Variants in UNC13C observed in about 807,000 individuals in gnomAD.
The protein encoded by UNC13C is unc-13 homolog C.
A neutral mutation model predicts 245.4 loss-of-function variants in UNC13C; 174 were observed. That is an observed-to-expected ratio of 0.71 (90% CI 0.63 to 0.80). UNC13C has a LOEUF of 0.80. UNC13C is among the 30% of genes least tolerant of loss of function. The pLI is 0.00. For missense variants in UNC13C, 2,829 were observed against 2,602.9 expected (o/e 1.09, Z -1.89); for synonymous variants, 992 against 895.1 (o/e 1.11, Z -1.93).
At chr15:53,855,105 T>C in the UNC13C span, among the ~76,000 whole-genome samples, 1 of 152,114 alleles carries the variant, frequency 6.6e-6, no homozygotes, top group Non-Finnish European at 1.5e-5. Context: ...TTGACTATTG[T>C]TGGTGTATAG....
the UNC13C span, among the ~76,000 whole-genome samples, chr15:53,920,173 T>C: frequency 6.6e-6 from 1 of 152,208 alleles, no homozygotes; most frequent in Non-Finnish European, 1.5e-5. Flanking sequence ...TCTTGTTGGA[T>C]ATTAAGGTTG....
the UNC13C span, among the ~76,000 whole-genome samples, chr15:53,970,220 C>T: frequency 6.6e-6 from 1 of 152,110 alleles, no homozygotes; most frequent in Non-Finnish European, 1.5e-5. Context: ...AAGGCATGCA[C>T]CGCCACTCCT....
At chr15:53,863,301 C>T in the UNC13C span, among the ~76,000 whole-genome samples, 14 of 152,106 alleles carry the variant, frequency 9.2e-5, no homozygotes, top group African/African-American at 3.4e-4. Flanking sequence ...AGAGTCATCC[C>T]CAAGTCTATG....
chr15:53,953,844 G>C, the UNC13C span, among the ~76,000 whole-genome samples: 1 of 152,212 alleles, frequency 6.6e-6, no homozygotes, highest in Non-Finnish European at 1.5e-5. Context: ...AACTCTCCTT[G>C]CTCTTCCATC....
chr15:54,475,614 A>G (rs1596448306), intron 19 of UNC13C, among the ~76,000 whole-genome samples: 1 of 151,246 alleles, frequency 6.6e-6, no homozygotes, highest in East Asian at 2.0e-4. Context: ...AATTTCATCC[A>G]TGTCCCTACA....
At chr15:54,397,920 C>A (rs935546420) in intron 18 of UNC13C, among the ~76,000 whole-genome samples, 1 of 151,042 alleles carries the variant, frequency 6.6e-6, no homozygotes, top group Admixed American at 6.6e-5. Context: ...TTACTTATTT[C>A]TTTCCAATTT....
chr15:54,348,478 C>T (rs1042390842), intron 17 of UNC13C, among the ~76,000 whole-genome samples: 3 of 152,078 alleles, frequency 2.0e-5, no homozygotes, highest in Non-Finnish European at 4.4e-5. Context: ...TCAATTAATG[C>T]TTACTAAATG....
intron 4 of UNC13C, among the ~76,000 whole-genome samples, chr15:54,149,591 C>T (rs1038030985): frequency 2.6e-5 from 4 of 152,164 alleles, no homozygotes; most frequent in African/African-American, 9.7e-5. Flanking sequence ...GATCTTCTAA[C>T]CAATCTTCCT....
intron 25 of UNC13C, among the ~76,000 whole-genome samples, chr15:54,529,486 C>T (rs1466933579): frequency 1.3e-5 from 2 of 152,080 alleles, no homozygotes; most frequent in Non-Finnish European, 2.9e-5. Flanking sequence ...CTCATATTTG[C>T]TCTAAGAACA....
intron 1 of UNC13C, among the ~76,000 whole-genome samples, chr15:53,994,030 T>C (rs1180091491): frequency 6.6e-6 from 1 of 152,056 alleles, no homozygotes; most frequent in Non-Finnish European, 1.5e-5. Context: ...CTTCTTAATT[T>C]CTTCCTATTA....
At chr15:54,538,583 A>G (rs1050049721) in intron 26 of UNC13C, among the ~76,000 whole-genome samples, 1 of 152,076 alleles carries the variant, frequency 6.6e-6, no homozygotes, top group Non-Finnish European at 1.5e-5. Flanking sequence ...AGCAAAGACA[A>G]GGAATCAACC....
chr15:54,629,711 T>C (rs1901407893), downstream of UNC13C: 1 of 151,722 alleles, frequency 6.6e-6, no homozygotes, highest in African/African-American at 2.4e-5. Flanking sequence ...TAGGAGCACA[T>C]ATTAATGTCA....
chr15:53,930,601 C>T, the UNC13C span, among the ~76,000 whole-genome samples: 1 of 152,260 alleles, frequency 6.6e-6, no homozygotes, highest in African/African-American at 2.4e-5. Context: ...TTATAAAACA[C>T]CCTATTGGTC....
At chr15:54,498,308 A>G (rs188945853) in intron 20 of UNC13C, among the ~76,000 whole-genome samples, 6 of 152,082 alleles carry the variant, frequency 3.9e-5, no homozygotes, top group Admixed American at 3.9e-4. Context: ...AAACTAATAC[A>G]TGTTAAGGGG....
At chr15:54,053,599 T>A (rs1362622201) in intron 2 of UNC13C, among the ~76,000 whole-genome samples, 1 of 152,180 alleles carries the variant, frequency 6.6e-6, no homozygotes, top group African/African-American at 2.4e-5. Flanking sequence ...GAATGGGGTG[T>A]CCATCACCTC....
intron 4 of UNC13C, among the ~76,000 whole-genome samples, chr15:54,145,746 T>C (rs143062444): frequency 1.7e-3 from 254 of 152,366 alleles, no homozygotes; most frequent in African/African-American, 5.6e-3. Context: ...TATGATGTTA[T>C]AGATTCTGCA....
At chr15:54,236,348 T>C (rs956815062) in intron 5 of UNC13C, 82 bp from the exon 6 acceptor site, 1 of 1,111,840 alleles carries the variant, frequency 9.0e-7, no homozygotes, top group Non-Finnish European at 1.3e-6. Context: ...GTTAGGCTAA[T>C]TTAACATTGT....
At chr15:53,889,267 A>T in the UNC13C span, among the ~76,000 whole-genome samples, 3 of 152,058 alleles carry the variant, frequency 2.0e-5, no homozygotes, top group African/African-American at 7.2e-5. Flanking sequence ...GGTCCTTTGC[A>T]TCCCTTGTAA....
At chr15:54,374,555 G>T (rs939165149) in intron 17 of UNC13C, among the ~76,000 whole-genome samples, 1 of 152,242 alleles carries the variant, frequency 6.6e-6, no homozygotes, top group Non-Finnish European at 1.5e-5. Flanking sequence ...GGCACCAGGA[G>T]CAGGAAGAGG....
Sources: allele counts gnomAD v4.1 joint callset (sites outside exome capture counted in the v4.1 genomes callset), GRCh38; gene constraint gnomAD v4.1.1; transcripts MANE v1.5; gene names NCBI Gene and HGNC (gene_info 2026-07-23, HGNC 2026-07-21).